The following STAB2 variants were observed in gnomAD, a reference collection of about 807,000 sequenced individuals.
The protein encoded by STAB2 is stabilin 2, also known as stabilin-2.
In STAB2, 288 loss-of-function variants were observed where a neutral mutation model predicts 338.1. The observed-to-expected ratio is 0.85, with a 90% CI of 0.77 to 0.94. STAB2 has a LOEUF of 0.94. Ranked by LOEUF, STAB2 falls within the 40% of genes least tolerant of loss-of-function variation. The probability of loss-of-function intolerance (pLI) is 0.00; values close to 1 mark genes in which losing one functional copy is unlikely to be tolerated. For missense variants in STAB2, 3,141 were observed against 3,210.1 expected, an observed-to-expected ratio of 0.98 and a Z score of 0.52; for synonymous variants, 1,202 against 1,193.3, an observed-to-expected ratio of 1.01 and a Z score of -0.15.
At chr12:103,683,778 G>A (rs1877147271) in intron 26 of STAB2, among the ~76,000 whole-genome samples, 1 of 152,174 alleles carries the variant, frequency 6.6e-6, no homozygotes, top group South Asian at 2.1e-4. Flanking sequence ...AAGGGTAAAT[G>A]GTGCCTTGCT....
intron 61 of STAB2, 84 bp from the exon 62 acceptor site, chr12:103,755,218 T>A: frequency 1.3e-6 from 2 of 1,552,322 alleles, no homozygotes; most frequent in South Asian, 2.4e-5. Flanking sequence ...TTTTATGGCC[T>A]AATAGGGGAA....
intron 44 of STAB2, among the ~76,000 whole-genome samples, chr12:103,719,447 A>G (rs1377817992): frequency 2.0e-5 from 3 of 152,238 alleles, no homozygotes; most frequent in Non-Finnish European, 4.4e-5. Flanking sequence ...ATTTTCTCAC[A>G]GTTCTAGAGG....
At chr12:103,711,359 C>G in intron 39 of STAB2, 112 bp from the exon 40 acceptor site, 5 of 1,404,198 alleles carry the variant, frequency 3.6e-6, no homozygotes, top group Non-Finnish European at 2.0e-6. Context: ...TTATATCGCT[C>G]ACATGATACA....
At chr12:103,707,619 G>A (rs886224354) in intron 38 of STAB2, among the ~76,000 whole-genome samples, 1 of 152,206 alleles carries the variant, frequency 6.6e-6, no homozygotes, top group African/African-American at 2.4e-5. Context: ...CAAGTCATCT[G>A]TATTCTCACA....
At chr12:103,627,231 T>A (rs1025308092) in intron 5 of STAB2, among the ~76,000 whole-genome samples, 4 of 152,160 alleles carry the variant, frequency 2.6e-5, no homozygotes, top group Admixed American at 1.3e-4. Flanking sequence ...CTGGTGAGTG[T>A]CCATCATACA....
chr12:103,683,103 C>A, intron 25 of STAB2, 102 bp from the exon 26 acceptor site: 2 of 954,140 alleles, frequency 2.1e-6, no homozygotes, highest in Non-Finnish European at 1.6e-6. Flanking sequence ...GACAGCCAAG[C>A]AGCTTCAGTT....
intron 35 of STAB2, 125 bp downstream of exon 35, chr12:103,703,401 T>A: frequency 8.1e-7 from 1 of 1,227,154 alleles, no homozygotes; most frequent in Non-Finnish European, 1.1e-6. Context: ...ACTGAATGAG[T>A]ATCTTTGATG....
chr12:103,656,964 G>A (rs1874236694), intron 15 of STAB2, among the ~76,000 whole-genome samples: 2 of 151,972 alleles, frequency 1.3e-5, no homozygotes, highest in Non-Finnish European at 2.9e-5. Flanking sequence ...GGGATTACAG[G>A]CGTGAGCCAC....
chr12:103,652,824 T>G (rs572844005), intron 12 of STAB2, 119 bp downstream of exon 12: 121 of 1,196,120 alleles, frequency 1.0e-4, no homozygotes, highest in Non-Finnish European at 1.3e-4. Flanking sequence ...TCTTTCCTCA[T>G]GTATTATTTG....
At chr12:103,655,684 A>T in intron 15 of STAB2, 103 bp downstream of exon 15, 1 of 1,412,754 alleles carries the variant, frequency 7.1e-7, no homozygotes, top group South Asian at 1.5e-5. Flanking sequence ...TAAGTTGTAC[A>T]TGTATCACCA....
chr12:103,709,186 G>C, intron 39 of STAB2, among the ~76,000 whole-genome samples: 1 of 152,240 alleles, frequency 6.6e-6, no homozygotes, highest in Non-Finnish European at 1.5e-5. Flanking sequence ...TCAGGTGAGG[G>C]CGGTCAAAGA....
chr12:103,686,317 G>A (rs916446966), intron 27 of STAB2, among the ~76,000 whole-genome samples: 4 of 152,080 alleles, frequency 2.6e-5, no homozygotes, highest in South Asian at 2.1e-4. Flanking sequence ...ACCGAGTCAG[G>A]CCAAGGAGCT....
intron 6 of STAB2, 150 bp from the exon 7 acceptor site, chr12:103,636,961 G>T: frequency 1.4e-6 from 1 of 729,634 alleles, no homozygotes. Flanking sequence ...AGACTAAGAA[G>T]AAGACAATTT....
intron 19 of STAB2, 69 bp downstream of exon 19, chr12:103,666,422 T>A: frequency 1.3e-6 from 2 of 1,498,420 alleles, no homozygotes; most frequent in Non-Finnish European, 1.9e-6. Flanking sequence ...TCTCAACCTA[T>A]CTACCTTCCT....
At chr12:103,733,847 A>C (rs1314243453) in intron 51 of STAB2, among the ~76,000 whole-genome samples, 1 of 150,974 alleles carries the variant, frequency 6.6e-6, no homozygotes, top group African/African-American at 2.4e-5. Flanking sequence ...AAGCATGATC[A>C]TATGAGAGCA....
chr12:103,630,613 C>A (rs1957444978), intron 5 of STAB2, among the ~76,000 whole-genome samples: 1 of 152,102 alleles, frequency 6.6e-6, no homozygotes, highest in Admixed American at 6.5e-5. Context: ...CCAATGTAAT[C>A]ACAAGAGTTG....
intron 44 of STAB2, among the ~76,000 whole-genome samples, chr12:103,724,606 A>T (rs1376990723): frequency 6.6e-6 from 1 of 152,164 alleles, no homozygotes; most frequent in Non-Finnish European, 1.5e-5. Context: ...CTTCTCTCTG[A>T]TAATGGTTAC....
At position 103,689,993 on chromosome 12, in the gene STAB2, C is replaced by CTTATT. The variant is rs754523134; in HGVS notation, c.3182+20_3182+24dup. 6.2e-7 allele frequency: 1 copy of CTTATT among 1,609,550 alleles called. No individual in the cohort carries two copies. The highest frequency in any genetic ancestry group is 8.5e-7 in the Non-Finnish European group (1 of 1,178,454). ...TCCAGCCCTAATAAAGTAGGTGTTA[C>CTTATT]TTATTTTATTTTACATCGTATCTGA... On this transcript the variant is annotated intron_variant, in intron 29 of 68. Transcript: ENST00000388887.
chr12:103,745,242 C>T lies in STAB2; in HGVS notation c.6101C>T (p.Thr2034Met), dbSNP rs75249165. 2.7e-4 allele frequency: 434 copies of T among 1,613,904 alleles called. 1 individual carries two copies. The African/African-American group carries it at 3.2e-3, about 12-fold the overall frequency. Residue 2034 changes from threonine to methionine, a missense_variant, in exon 57 of 69, where the codon ACG becomes ATG. Physicochemically the swap from Thr to Met is moderately conservative, Grantham distance 81 (BLOSUM62 -1). Transcript: ENST00000388887. ...GGCTCCGGGCAGTGCCTCTGTGAAA[C>T]GGGGTGGACAGGCCCCTCGTGTGAC... The part of the protein sequence containing the change: ...ITGSGQCLCE[T>M]GWTGPSCDTQ...
Sources: gnomAD v4.1 joint callset for allele counts (sites outside exome capture counted in the v4.1 genomes callset) on GRCh38, gnomAD v4.1.1 for gene constraint, MANE v1.5 for transcripts, NCBI Gene and HGNC (gene_info 2026-07-23, HGNC 2026-07-21) for gene names.